Variants in LRP12 observed in about 807,000 individuals in gnomAD.
LRP12 encodes LDL receptor related protein 12.
Under a neutral mutation model 66.0 loss-of-function variants are expected in LRP12, and 14 were observed. The observed-to-expected ratio is 0.21, with a 90% CI of 0.14 to 0.33. The LOEUF (loss-of-function observed/expected upper bound fraction) is 0.33, where lower values mean the gene tolerates loss of function less well. Ranked by LOEUF, LRP12 falls within the 10% of genes least tolerant of loss-of-function variation. LRP12 has a pLI of 1.00. For synonymous variants in LRP12, 357 were observed against 359.1 expected, an observed-to-expected ratio of 0.99 and a Z score of 0.07; for missense variants, 889 against 1,053.4, an observed-to-expected ratio of 0.84 and a Z score of 2.16.
intron 1 of LRP12, among the ~76,000 whole-genome samples, chr8:104,534,277 T>C (rs1179363481): frequency 6.6e-6 from 1 of 152,100 alleles, no homozygotes; most frequent in Admixed American, 6.6e-5. Context: ...AATATGCAGA[T>C]GTTAAACATG....
intron 2 of LRP12, 48 bp from the exon 3 acceptor site, chr8:104,509,122 G>A (rs200729466): frequency 1.4e-5 from 22 of 1,539,036 alleles, no homozygotes; most frequent in Non-Finnish European, 1.9e-5. Context: ...ACATTTAAAT[G>A]GTATTAGGTA....
chr8:104,509,919 C>T (rs773920602), intron 2 of LRP12, among the ~76,000 whole-genome samples: 5 of 152,144 alleles, frequency 3.3e-5, no homozygotes, highest in South Asian at 2.1e-4. Flanking sequence ...TTCAGGCATT[C>T]ACTGAGGGTC....
At chr8:104,498,988 T>C (rs952965480) in intron 4 of LRP12, among the ~76,000 whole-genome samples, 11 of 152,158 alleles carry the variant, frequency 7.2e-5, no homozygotes, top group Admixed American at 2.0e-4. Context: ...ACAATGACAA[T>C]TACCACAAAA....
intron 1 of LRP12, among the ~76,000 whole-genome samples, chr8:104,581,769 C>A (rs150000574): frequency 7.9e-5 from 12 of 152,082 alleles, no homozygotes; most frequent in Non-Finnish European, 1.3e-4. Flanking sequence ...GGCCTCTACA[C>A]GAAGAGCACA....
chr8:104,525,353 G>T (rs1438301634), intron 2 of LRP12, among the ~76,000 whole-genome samples: 1 of 151,922 alleles, frequency 6.6e-6, no homozygotes, highest in African/African-American at 2.4e-5. Context: ...AATTTCTTAT[G>T]CCAACCCTGT....
intron 1 of LRP12, among the ~76,000 whole-genome samples, chr8:104,585,287 GC>G (rs1163994226): frequency 6.6e-6 from 1 of 152,188 alleles, no homozygotes; most frequent in African/African-American, 2.4e-5. Flanking sequence ...ATACAATCGT[GC>G]AATCTTGGCT....
chr8:104,535,548 T>C (rs1450298904), intron 1 of LRP12, among the ~76,000 whole-genome samples: 1 of 152,004 alleles, frequency 6.6e-6, no homozygotes, highest in East Asian at 1.9e-4. Context: ...TTCTTAAGAA[T>C]AGCTAATAAA....
At chr8:104,534,552 ACATATTAAAATTT>A (rs1191831706) in intron 1 of LRP12, among the ~76,000 whole-genome samples, 1 of 152,068 alleles carries the variant, frequency 6.6e-6, no homozygotes, top group Admixed American at 6.6e-5. Flanking sequence ...GCTAATTATA[ACATATTAAAATTT>A]CATTAAAGTA....
intron 2 of LRP12, 136 bp from the exon 3 acceptor site, chr8:104,509,210 T>C (rs1351723073): frequency 7.9e-6 from 5 of 636,392 alleles, no homozygotes; most frequent in Middle Eastern, 4.5e-4. Flanking sequence ...GTATCAACTT[T>C]AAAAAGCTAT....
chr8:104,551,636 C>T (rs7817691), intron 1 of LRP12, among the ~76,000 whole-genome samples: 4,653 of 152,206 alleles, frequency 0.031, 232 homozygotes, highest in African/African-American at 0.11. Flanking sequence ...CTGTGCTAAT[C>T]CTCTTACGAT....
intron 3 of LRP12, chr8:104,505,281 A>T (rs1290848265): frequency 6.6e-6 from 1 of 152,238 alleles, no homozygotes; most frequent in Non-Finnish European, 1.5e-5. Flanking sequence ...TGCTAGGATT[A>T]CAGGCACGAG....
At chr8:104,558,221 C>CAA (rs369624413) in intron 1 of LRP12, among the ~76,000 whole-genome samples, 10,219 of 149,438 alleles carry the variant, frequency 0.068, 389 homozygotes, top group South Asian at 0.08. Context: ...AACAAACAAA[C>CAA]AAAAAAAAAC....
rs752349444 is a variant in LRP12 at position 104,497,876 on chromosome 8, A to G, written c.676T>C (p.Phe226Leu). The change falls in exon 5 of 7, where the codon TTT (phenylalanine) becomes CTT (leucine). Residue 226 changes from phenylalanine (F) to leucine (L), a missense_variant. Around this residue, in one of 3 missense-constraint regions of LRP12, gnomAD observed 800 missense variants for 964.5 expected, o/e 0.83. Coordinates refer to ENST00000276654, the MANE Select transcript of LRP12 (RefSeq NM_013437.5). The surrounding 1 kb of genome is among the most constrained non-coding windows in gnomAD (Gnocchi z 4.3). ...GGGAGGCAAGTGTAAACTTTGGTAA[A>G]ACGGGATAAACACTGGAACTGGTTG... Reference protein sequence around the residue: ...AYNQFQCLSRFTKVYTCLPES... With the variant: ...AYNQFQCLSRLTKVYTCLPES... 1 of 1,614,218 alleles carries G rather than the reference A, an allele frequency of 6.2e-7. No individual in the cohort carries two copies. Among genetic ancestry groups the G allele is most frequent in the Non-Finnish European group, 8.5e-7 (1 of 1,180,042 alleles).
At chr8:104,552,553 C>T (rs1371086623) in intron 1 of LRP12, among the ~76,000 whole-genome samples, 1 of 152,024 alleles carries the variant, frequency 6.6e-6, no homozygotes, top group East Asian at 1.9e-4. Context: ...TAACTTTTCA[C>T]TTACTTCTAC....
chr8:104,509,094 A>G lies in LRP12; in HGVS notation c.137-20T>C, dbSNP rs1386093988. ...CACAAGCTGGAAGATAGCCAAAGCAATCTTTCCTTATTATTACACATTTAA... is the reference window on the plus strand; with the variant it reads ...CACAAGCTGGAAGATAGCCAAAGCAGTCTTTCCTTATTATTACACATTTAA... On this transcript the variant is annotated intron_variant, in intron 2 of 6. Transcript: ENST00000276654. The G allele has an allele frequency of 1.2e-6, 2 of 1,608,752 alleles. No individual in the cohort carries two copies. The highest frequency in any genetic ancestry group is 1.1e-5 in the South Asian group (1 of 90,224).
intron 2 of LRP12, among the ~76,000 whole-genome samples, chr8:104,524,586 C>T (rs1811201002): frequency 6.6e-6 from 1 of 151,994 alleles, no homozygotes; most frequent in South Asian, 2.1e-4. Context: ...GAAAAATGTA[C>T]ATAGTGTTAA....
chr8:104,532,703 G>T (rs1461480418), intron 1 of LRP12, among the ~76,000 whole-genome samples: 1 of 152,106 alleles, frequency 6.6e-6, no homozygotes, highest in Non-Finnish European at 1.5e-5. Flanking sequence ...TTTCATGGTT[G>T]AGAGTGGAGA....
In LRP12 at chr8:104,588,973, C is replaced by CCGCCGA; in HGVS notation, c.-77_-76insTCGGCG. On this transcript the variant is annotated 5_prime_UTR_variant, in exon 1 of 7. Transcript: ENST00000276654. ...AAGCTGGAGGTAGACGACGCCGACG[C>CCGCCGA]CGCCGCCGCCGCCGCCGCCGCCGCC... The CCGCCGA allele has an allele frequency of 5.1e-6, 3 of 583,284 alleles. 1 individual carries two copies. Among genetic ancestry groups the CCGCCGA allele is most frequent in the Non-Finnish European group, 8.0e-6 (3 of 375,278 alleles). 36.1% of individuals were successfully genotyped at this position (583,284 alleles called of 1,614,324 possible). A position where few individuals can be genotyped will look rare whatever the true frequency, so the allele number is the denominator to read the frequency against.
intron 1 of LRP12, among the ~76,000 whole-genome samples, chr8:104,534,972 T>C (rs1811374112): frequency 6.6e-6 from 1 of 151,022 alleles, no homozygotes; most frequent in Non-Finnish European, 1.5e-5. Context: ...AGTGTTCAAA[T>C]GCAGCCATGT....
Sources: gnomAD v4.1 joint callset for allele counts (sites outside exome capture counted in the v4.1 genomes callset) on GRCh38, gnomAD v4.1.1 for gene constraint, gnomAD v4.1.1 regional missense constraint, Gnocchi (gnomAD v3.1) non-coding constraint, MANE v1.5 for transcripts, NCBI Gene and HGNC (gene_info 2026-07-23, HGNC 2026-07-21) for gene names.